The following EYA4 variants were observed in gnomAD, a reference collection of about 807,000 sequenced individuals.
The protein encoded by EYA4 is EYA transcriptional coactivator and phosphatase 4.
In EYA4, 31 loss-of-function variants were observed where a neutral mutation model predicts 87.9. The ratio of observed to expected loss-of-function variants is 0.35; its 90% CI spans 0.27 to 0.48. The LOEUF is 0.48. EYA4 is among the 20% of genes least tolerant of loss of function. The probability of loss-of-function intolerance (pLI) is 0.99; values close to 1 mark genes in which losing one functional copy is unlikely to be tolerated. For synonymous variants in EYA4, 263 were observed against 270.6 expected (o/e 0.97, Z 0.28); for missense variants, 678 against 761.4 (o/e 0.89, Z 1.29).
chr6:133,524,235 T>A (rs1299374434), intron 18 of EYA4, among the ~76,000 whole-genome samples: 3 of 152,182 alleles, frequency 2.0e-5, no homozygotes, highest in Non-Finnish European at 4.4e-5. Flanking sequence ...AGAATAAACA[T>A]TTATTTTAGT....
chr6:133,406,045 T>A (rs900571849), intron 3 of EYA4, among the ~76,000 whole-genome samples: 5 of 151,036 alleles, frequency 3.3e-5, no homozygotes. Flanking sequence ...TACCTACCTA[T>A]CTTCTATCTA....
At chr6:133,282,622 A>G (rs1476133543) in intron 2 of EYA4, among the ~76,000 whole-genome samples, 2 of 152,128 alleles carry the variant, frequency 1.3e-5, no homozygotes, top group African/African-American at 4.8e-5. Context: ...AGAGCCTCAT[A>G]TTATACAGAA....
chr6:133,329,726 C>T (rs1440095912), intron 2 of EYA4, among the ~76,000 whole-genome samples: 1 of 152,010 alleles, frequency 6.6e-6, no homozygotes, highest in Non-Finnish European at 1.5e-5. Flanking sequence ...TCATATTTCC[C>T]CATAAATAAC....
chr6:133,253,291 A>G (rs1162523392), intron 1 of EYA4, among the ~76,000 whole-genome samples: 1 of 152,132 alleles, frequency 6.6e-6, no homozygotes, highest in African/African-American at 2.4e-5. Context: ...AAGAAGGCAC[A>G]GCGAACCACA....
At chr6:133,383,996 T>C (rs1325163446) in intron 3 of EYA4, among the ~76,000 whole-genome samples, 1 of 152,190 alleles carries the variant, frequency 6.6e-6, no homozygotes, top group African/African-American at 2.4e-5. Context: ...TTAGATAATT[T>C]TTGCAAGCAG....
chr6:133,529,561 A>G lies in EYA4; in HGVS notation c.*756A>G, dbSNP rs1800887681. On this transcript the variant is annotated 3_prime_UTR_variant, in exon 20 of 20. Transcript: ENST00000355286. Reference sequence around the variant, plus strand: ...AAAAAAACCTTTGTGATGATTCTTAACATGACCAAATTTAAAAGTCAAGCT... The same window carrying G: ...AAAAAAACCTTTGTGATGATTCTTAGCATGACCAAATTTAAAAGTCAAGCT... 1.0e-6 allele frequency: 1 copy of G among 984,156 alleles called. No individual in the cohort carries two copies. The highest frequency in any genetic ancestry group is 1.2e-6 in the Non-Finnish European group (1 of 828,694). 61.0% of individuals were successfully genotyped at this position (984,156 alleles called of 1,614,324 possible). A position where few individuals can be genotyped will look rare whatever the true frequency, so the allele number is the denominator to read the frequency against.
intron 11 of EYA4, among the ~76,000 whole-genome samples, chr6:133,469,205 G>C (rs1795119259): frequency 6.6e-6 from 1 of 151,960 alleles, no homozygotes; most frequent in African/African-American, 2.4e-5. Context: ...AATCCATTGT[G>C]TGTTTCATTA....
At chr6:133,319,578 A>C (rs961072179) in intron 2 of EYA4, among the ~76,000 whole-genome samples, 1 of 150,930 alleles carries the variant, frequency 6.6e-6, no homozygotes, top group African/African-American at 2.4e-5. Flanking sequence ...TTGCTGTATC[A>C]GCTTTCTTTT....
intron 2 of EYA4, among the ~76,000 whole-genome samples, chr6:133,333,879 A>G (rs1482301165): frequency 6.6e-6 from 1 of 152,182 alleles, no homozygotes; most frequent in African/African-American, 2.4e-5. Flanking sequence ...TTTTTTTCAG[A>G]TAGCTAAGCT....
At chr6:133,378,284 T>G (rs1785878627) in intron 2 of EYA4, among the ~76,000 whole-genome samples, 2 of 152,150 alleles carry the variant, frequency 1.3e-5, no homozygotes, top group South Asian at 4.1e-4. Flanking sequence ...AGGCAAGTTG[T>G]TGAACCTCTT....
intron 2 of EYA4, among the ~76,000 whole-genome samples, chr6:133,315,879 C>T (rs1428687115): frequency 6.6e-6 from 1 of 152,096 alleles, no homozygotes; most frequent in Non-Finnish European, 1.5e-5. Context: ...AGAGTGGCAG[C>T]CACAGTGTGG....
chr6:133,432,452 T>G (rs1791269261), intron 3 of EYA4, among the ~76,000 whole-genome samples: 2 of 151,884 alleles, frequency 1.3e-5, no homozygotes, highest in Admixed American at 6.6e-5. Context: ...AGATGAGAAA[T>G]GGGCCCAAGT....
At chr6:133,324,607 T>C (rs568749964) in intron 2 of EYA4, among the ~76,000 whole-genome samples, 7 of 152,140 alleles carry the variant, frequency 4.6e-5, no homozygotes, top group Non-Finnish European at 8.8e-5. Flanking sequence ...TTCTATTATG[T>C]GTCTGAAATA....
At position 133,530,015 on chromosome 6, in the gene EYA4, G is replaced by C; in HGVS notation, c.*1210G>C. On this transcript the variant is annotated 3_prime_UTR_variant, in exon 20 of 20. Transcript: ENST00000355286. ...CAGGGCTTAAAATAAAGCTAAGTAT[G>C]TTTATTCCCAATGCCATGGCAAAAA... 1.0e-6 allele frequency: 1 copy of C among 985,224 alleles called. No homozygotes were observed. Among genetic ancestry groups the C allele is most frequent in the Non-Finnish European group, 1.2e-6 (1 of 829,740 alleles). 61.0% of individuals were successfully genotyped at this position (985,224 alleles called of 1,614,324 possible). A position where few individuals can be genotyped will look rare whatever the true frequency, so the allele number is the denominator to read the frequency against.
intron 2 of EYA4, among the ~76,000 whole-genome samples, chr6:133,317,464 A>G (rs1006328395): frequency 1.3e-5 from 2 of 152,196 alleles, no homozygotes; most frequent in Non-Finnish European, 2.9e-5. Context: ...TTATTTGTGT[A>G]TGTAATTAAT....
chr6:133,491,160 G>C (rs1797118181), intron 13 of EYA4, among the ~76,000 whole-genome samples: 1 of 151,940 alleles, frequency 6.6e-6, no homozygotes, highest in South Asian at 2.1e-4. Flanking sequence ...AAAGAAAAAA[G>C]TGATAATGGA....
intron 2 of EYA4, among the ~76,000 whole-genome samples, chr6:133,293,560 A>G (rs1328271264): frequency 6.6e-6 from 1 of 152,104 alleles, no homozygotes; most frequent in Non-Finnish European, 1.5e-5. Context: ...AACTGCTCTG[A>G]ACCTCTTTCC....
intron 11 of EYA4, 112 bp downstream of exon 11, chr6:133,468,843 A>T: frequency 9.3e-7 from 1 of 1,071,516 alleles, no homozygotes; most frequent in South Asian, 1.3e-5. Context: ...AATTGTGCTG[A>T]TGTTTAATCT....
chr6:133,464,765 T>C lies in EYA4; in HGVS notation c.725-14T>C, dbSNP rs1253632662. 3 of 1,535,090 alleles carry C rather than the reference T, an allele frequency of 2.0e-6. No individual in the cohort carries two copies. Among genetic ancestry groups the C allele is most frequent in the African/African-American group, 1.4e-5 (1 of 73,230 alleles). On this transcript the variant is annotated splice_polypyrimidine_tract_variant and intron_variant, in intron 9 of 19. Coordinates refer to ENST00000355286, the MANE Select transcript of EYA4 (RefSeq NM_004100.5). ...AGGAATACTTTTAAAATGCAATTTG[T>C]TTTTTACCTCTAGGTTCTAGTTTTG...
Sources: gnomAD v4.1 joint callset for allele counts (sites outside exome capture counted in the v4.1 genomes callset) on GRCh38, gnomAD v4.1.1 for gene constraint, MANE v1.5 for transcripts, NCBI Gene and HGNC (gene_info 2026-07-23, HGNC 2026-07-21) for gene names.